Variants in CTNNA3 observed in about 807,000 individuals in gnomAD.
CTNNA3 encodes catenin alpha-3.
Under a neutral mutation model 95.7 loss-of-function variants are expected in CTNNA3, and 76 were observed. That is an observed-to-expected ratio of 0.79 (90% CI 0.66 to 0.96). The LOEUF (loss-of-function observed/expected upper bound fraction) is 0.96. Ranked by LOEUF, CTNNA3 falls within the 40% of genes least tolerant of loss-of-function variation. The pLI is 0.00. For missense variants in CTNNA3, 1,191 were observed against 1,089.8 expected (o/e 1.09, Z -1.31); for synonymous variants, 431 against 374.4 (o/e 1.15, Z -1.74).
rs202076875 is a variant in CTNNA3 at position 67,369,734 on chromosome 10, T to TA, written c.580-149865dup. ...AGATAAAGATGCTTAACCTTTCTAA[T>TA]AAAAAATGCAAATTAAAATAACACT... is the stretch of plus-strand genomic sequence containing the variant. On this transcript the variant is annotated intron_variant, in intron 5 of 17. Transcript: ENST00000433211. Among the ~76,000 whole-genome samples the TA allele has an allele frequency of 5.0e-3, 760 of 152,178 alleles. 9 individuals carry two copies. The highest frequency in any genetic ancestry group is 0.017 in the African/African-American group (720 of 41,514).
chr10:66,106,064 G>A (rs1465697671), intron 13 of CTNNA3, among the ~76,000 whole-genome samples: 1 of 152,000 alleles, frequency 6.6e-6, no homozygotes, highest in Admixed American at 6.6e-5. Context: ...AAAATTAGCT[G>A]GGCGTGGTGG....
intron 15 of CTNNA3, among the ~76,000 whole-genome samples, chr10:66,035,552 C>A (rs187985909): frequency 9.8e-6 from 1 of 102,204 alleles, no homozygotes. Context: ...TTTTTTTTGC[C>A]GCTGGCTTTA....
Position 67,335,292 on chromosome 10 carries a change from A to T in CTNNA3, c.580-115422T>A, listed in dbSNP as rs1589180831. Among the ~76,000 whole-genome samples, 5 of 152,166 alleles carry T rather than the reference A, an allele frequency of 3.3e-5. No individual in the cohort carries two copies. In the South Asian group the frequency reaches 1.0e-3, roughly 32 times the overall value. ...TGTCAAGGGCTGGTTCCTGCCTTGC[A>T]CCCTGACCTGCCAGGATAGGCACCA... On this transcript the variant is annotated intron_variant, in intron 5 of 17. Transcript: ENST00000433211.
intron 5 of CTNNA3, among the ~76,000 whole-genome samples, chr10:67,491,486 T>C (rs1164833680): frequency 6.6e-6 from 1 of 152,192 alleles, no homozygotes; most frequent in African/African-American, 2.4e-5. Flanking sequence ...AGCCATCACA[T>C]ATGCAACTGA....
chr10:67,566,052 T>TAC (rs1841772573), intron 3 of CTNNA3, among the ~76,000 whole-genome samples: 1 of 82,518 alleles, frequency 1.2e-5, no homozygotes, highest in African/African-American at 4.5e-5. Context: ...TGTATATATA[T>TAC]ATATATATAT....
chr10:66,722,990 TG>T (rs931505785), intron 9 of CTNNA3, among the ~76,000 whole-genome samples: 1 of 152,140 alleles, frequency 6.6e-6, no homozygotes, highest in Non-Finnish European at 1.5e-5. Context: ...CATTCAGAAA[TG>T]AAGTCTTTTC....
rs947002433 is a variant in CTNNA3 at position 66,098,326 on chromosome 10, G to A, written c.1977+4831C>T. 1.1e-4 allele frequency among the ~76,000 whole-genome samples: 17 copies of A among 152,110 alleles called. No individual in the cohort carries two copies. In the East Asian group the frequency reaches 1.9e-3, roughly 17 times the overall value. The stretch of plus-strand genomic sequence containing the variant: ...GTACTGGAAAGAGAACATGTTTGAG[G>A]CCAAAAGACCTGCGATTTGGTCCCA... On this transcript the variant is annotated intron_variant, in intron 14 of 17. Coordinates refer to ENST00000433211, the MANE Select transcript of CTNNA3 (RefSeq NM_013266.4).
At chr10:66,006,999 C>T (rs191146801) in intron 15 of CTNNA3, among the ~76,000 whole-genome samples, 49 of 152,222 alleles carry the variant, frequency 3.2e-4, no homozygotes, top group Non-Finnish European at 5.6e-4. Flanking sequence ...AGACCTTTGG[C>T]AGCTGATCTT....
chr10:66,457,659 T>C lies in CTNNA3; in HGVS notation c.1531+62958A>G, dbSNP rs145999125. On this transcript the variant is annotated intron_variant, in intron 11 of 17. Coordinates refer to ENST00000433211, the MANE Select transcript of CTNNA3 (RefSeq NM_013266.4). Reference sequence around the variant, plus strand: ...ACTGGTTAAAAAAAAAAGTTTATGTTATATTTAGACAGTTTATTACTTAGC... The same window carrying C: ...ACTGGTTAAAAAAAAAAGTTTATGTCATATTTAGACAGTTTATTACTTAGC... 5.1e-4 allele frequency among the ~76,000 whole-genome samples: 65 copies of C among 126,596 alleles called. 2 individuals carry two copies. The East Asian group carries it at 0.014, about 28-fold the overall frequency. 83.1% of individuals were successfully genotyped at this position (126,596 alleles called of 152,430 possible).
intron 7 of CTNNA3, among the ~76,000 whole-genome samples, chr10:67,032,529 A>G (rs1410672029): frequency 6.6e-6 from 1 of 152,208 alleles, no homozygotes; most frequent in East Asian, 1.9e-4. Context: ...CAAATCAGGT[A>G]AAAATACTCT....
intron 7 of CTNNA3, among the ~76,000 whole-genome samples, chr10:67,014,697 C>A (rs1852548423): frequency 6.6e-6 from 1 of 151,618 alleles, no homozygotes; most frequent in Non-Finnish European, 1.5e-5. Context: ...TGATATATGT[C>A]CTATATAAAA....
At chr10:66,778,129 T>A (rs973546433) in intron 7 of CTNNA3, among the ~76,000 whole-genome samples, 3 of 152,146 alleles carry the variant, frequency 2.0e-5, no homozygotes, top group African/African-American at 7.2e-5. Context: ...TTTAAAGGTC[T>A]CCCTTCTTGC....
chr10:67,739,240 A>C (rs1841320984), intron 1 of CTNNA3, among the ~76,000 whole-genome samples: 1 of 152,126 alleles, frequency 6.6e-6, no homozygotes, highest in Admixed American at 6.6e-5. Flanking sequence ...TAACAGCAGA[A>C]ACTCTACAAG....
chr10:67,216,121 T>G (rs754330562), intron 6 of CTNNA3, among the ~76,000 whole-genome samples: 1 of 152,172 alleles, frequency 6.6e-6, no homozygotes, highest in African/African-American at 2.4e-5. Context: ...AGCTTCTAAA[T>G]GCTAATCTGA....
At chr10:67,412,911 A>G (rs1350934594) in intron 5 of CTNNA3, among the ~76,000 whole-genome samples, 2 of 152,142 alleles carry the variant, frequency 1.3e-5, no homozygotes, top group African/African-American at 4.8e-5. Context: ...TGCACACTTA[A>G]GCACATAGCT....
At chr10:66,660,709 A>C (rs1846231989) in intron 9 of CTNNA3, among the ~76,000 whole-genome samples, 1 of 152,088 alleles carries the variant, frequency 6.6e-6, no homozygotes, top group Non-Finnish European at 1.5e-5. Context: ...TCACTTCTTT[A>C]ATTCTTTTCA....
rs978790868 is a variant in CTNNA3, at chr10:67,164,626, C to T, written c.1047+15691G>A. Among the ~76,000 whole-genome samples the T allele has an allele frequency of 5.3e-5, 8 of 152,044 alleles. No individual in the cohort carries two copies. In the South Asian group the frequency reaches 6.2e-4, roughly 12 times the overall value. ...GCTACAAACTGCAAGAAAATATTTA[C>T]AAAACTAATATCTGAAAAGGTCTCA... On this transcript the variant is annotated intron_variant, in intron 7 of 17. Coordinates refer to ENST00000433211, the MANE Select transcript of CTNNA3 (RefSeq NM_013266.4).
intron 5 of CTNNA3, among the ~76,000 whole-genome samples, chr10:67,234,193 G>A (rs1267874895): frequency 2.0e-5 from 3 of 152,010 alleles, no homozygotes; most frequent in South Asian, 4.2e-4. Context: ...TACCAAAGCC[G>A]GGCAGAGACA....
At chr10:66,788,338 G>A (rs1298503512) in intron 7 of CTNNA3, among the ~76,000 whole-genome samples, 1 of 152,116 alleles carries the variant, frequency 6.6e-6, no homozygotes, top group Non-Finnish European at 1.5e-5. Flanking sequence ...CTATATATCA[G>A]TTCCAGGCGC....
Sources: gnomAD v4.1 joint callset for allele counts (sites outside exome capture counted in the v4.1 genomes callset) on GRCh38, gnomAD v4.1.1 for gene constraint, MANE v1.5 for transcripts, NCBI Gene and HGNC (gene_info 2026-07-23, HGNC 2026-07-21) for gene names.